Variants in AGAP1 observed in about 807,000 individuals in gnomAD.
AGAP1 encodes arf-GAP with GTPase, ANK repeat and PH domain-containing protein 1.
Under a neutral mutation model 105.3 loss-of-function variants are expected in AGAP1, and 29 were observed. The ratio of observed to expected loss-of-function variants is 0.28; its 90% confidence interval spans 0.21 to 0.38. The LOEUF (loss-of-function observed/expected upper bound fraction) is 0.38. AGAP1 is among the 10% of genes least tolerant of loss of function. AGAP1 has a pLI of 1.00. For missense variants in AGAP1, 998 were observed against 1,165.1 expected (o/e 0.86, Z 2.09); for synonymous variants, 509 against 485.9 (o/e 1.05, Z -0.63).
intron 1 of AGAP1, among the ~76,000 whole-genome samples, chr2:235,671,382 C>T (rs115299749): frequency 1.3e-5 from 2 of 152,202 alleles, no homozygotes; most frequent in Non-Finnish European, 2.9e-5. Flanking sequence ...GGGCCCTGAG[C>T]TGGCTGCCCG....
rs771090235 is a variant in AGAP1, at chr2:236,045,577, C to T, written c.1892-3482C>T. 6.6e-6 allele frequency among the ~76,000 whole-genome samples: 1 copy of T among 152,184 alleles called. No individual in the cohort carries two copies. The highest frequency in any genetic ancestry group is 6.5e-5 in the Admixed American group (1 of 15,278). ...GGTGGCACGCACACAGGTGTGAGGG[C>T]CTGGAGAGCAGGCAGGGCCGCCCTG... On this transcript the variant is annotated intron_variant, in intron 15 of 17. Transcript: ENST00000304032. The surrounding 1 kb of genome is among the most constrained non-coding windows in gnomAD (Gnocchi z 6.9).
chr2:235,766,833 C>T (rs1278255878), intron 6 of AGAP1, among the ~76,000 whole-genome samples: 1 of 151,884 alleles, frequency 6.6e-6, no homozygotes, highest in African/African-American at 2.4e-5. Context: ...CCTCCACTTC[C>T]TGGGTTCAAG....
Position 235,799,650 on chromosome 2 carries a change from T to A in AGAP1, c.957+128T>A. The stretch of plus-strand genomic sequence containing the variant: ...CTATATTAAAGTGAATAACATTGAT[T>A]TCTGTGGAGGACTAAGAAAATTAAG... On this transcript the variant is annotated intron_variant, in intron 8 of 17. Coordinates refer to ENST00000304032, the MANE Select transcript of AGAP1 (RefSeq NM_001037131.3). The surrounding 1 kb of genome is among the most constrained non-coding windows in gnomAD (Gnocchi z 5.0). 2 of 1,098,526 alleles carry A rather than the reference T, an allele frequency of 1.8e-6. No individual in the cohort carries two copies. Among genetic ancestry groups the A allele is most frequent in the Non-Finnish European group, 2.5e-6 (2 of 791,088 alleles). The allele number at this position is 1,098,526 out of a possible 1,614,324, so 68.0% of individuals were successfully genotyped here. A position where few individuals can be genotyped will look rare whatever the true frequency, so the allele number is the denominator to read the frequency against.
chr2:235,685,796 G>C (rs1201186558), intron 1 of AGAP1, among the ~76,000 whole-genome samples: 1 of 152,102 alleles, frequency 6.6e-6, no homozygotes, highest in African/African-American at 2.4e-5. Context: ...GGTTGAGGAT[G>C]TGCGCTCATT....
Position 235,992,864 on chromosome 2 carries a change from C to G in AGAP1, c.1645+24241C>G, listed in dbSNP as rs1013287153. Among the ~76,000 whole-genome samples, 2 of 152,162 alleles carry G rather than the reference C, an allele frequency of 1.3e-5. No individual in the cohort carries two copies. Among genetic ancestry groups the G allele is most frequent in the Non-Finnish European group, 2.9e-5 (2 of 68,026 alleles). ...TTGTTTCATGGCCTTTGCAGTTGAGCTTGTGTTGGCCTCTTTCCGTCGTGA... is the reference window on the plus strand; with the variant it reads ...TTGTTTCATGGCCTTTGCAGTTGAGGTTGTGTTGGCCTCTTTCCGTCGTGA... On this transcript the variant is annotated intron_variant, in intron 13 of 17. Coordinates refer to ENST00000304032, the MANE Select transcript of AGAP1 (RefSeq NM_001037131.3). The surrounding 1 kb of genome is among the most constrained non-coding windows in gnomAD (Gnocchi z 4.8).
intron 9 of AGAP1, among the ~76,000 whole-genome samples, chr2:235,808,722 T>C (rs1957972292): frequency 6.6e-6 from 1 of 152,170 alleles, no homozygotes; most frequent in African/African-American, 2.4e-5. Context: ...CTATGTAAGA[T>C]ACATGATCAT....
chr2:235,939,768 A>G (rs139616881), intron 12 of AGAP1, among the ~76,000 whole-genome samples: 2 of 152,206 alleles, frequency 1.3e-5, no homozygotes, highest in African/African-American at 4.8e-5. Context: ...TTCTCTGAAG[A>G]CACACACAGG....
intron 1 of AGAP1, among the ~76,000 whole-genome samples, chr2:235,602,108 T>C (rs1337247494): frequency 6.6e-6 from 1 of 152,232 alleles, no homozygotes; most frequent in Admixed American, 6.5e-5. Flanking sequence ...GCCACCTGCT[T>C]CTGTATGGCT....
rs1346601858 is a variant in AGAP1, at chr2:235,639,159, G to A, written c.164-70020G>A. The stretch of plus-strand genomic sequence containing the variant: ...GGTGGATGTGGGGCATGGGGAATTG[G>A]ACGGATGATAGTGGCCCACAGGTTG... On this transcript the variant is annotated intron_variant, in intron 1 of 17. Transcript: ENST00000304032. This position sits in a 1 kb window ranked among gnomAD's most constrained non-coding sequence, Gnocchi z 5.3. Among the ~76,000 whole-genome samples the A allele has an allele frequency of 6.6e-6, 1 of 152,162 alleles. No individual in the cohort carries two copies. Among genetic ancestry groups the A allele is most frequent in the Non-Finnish European group, 1.5e-5 (1 of 68,032 alleles).
chr2:235,744,801 A>T lies in AGAP1; in HGVS notation c.500A>T (p.Asn167Ile). Residue 167 changes from asparagine (N) to isoleucine (I), a missense_variant, in exon 5 of 18, where the codon AAC (asparagine) becomes ATC (isoleucine). Physicochemically the swap from Asn to Ile is moderately radical, Grantham distance 149. This residue lies in a region of AGAP1 where 735 missense variants were observed against 833.4 expected (regional missense o/e 0.88). Transcript: ENST00000304032. The surrounding 1 kb of genome is among the most constrained non-coding windows in gnomAD (Gnocchi z 5.2). ...HYYSRMANYR[N>I]TSEIPLVLVG... ...TACAGTCGAATGGCCAACTATCGGAACACGAGCGAGATTCCTCTGGTTCTG... is the reference window on the plus strand; with the variant it reads ...TACAGTCGAATGGCCAACTATCGGATCACGAGCGAGATTCCTCTGGTTCTG... The T allele has an allele frequency of 6.2e-7, 1 of 1,614,060 alleles. No individual in the cohort carries two copies. The highest frequency in any genetic ancestry group is 8.5e-7 in the Non-Finnish European group (1 of 1,180,016).
intron 1 of AGAP1, among the ~76,000 whole-genome samples, chr2:235,544,863 G>T (rs1311925069): frequency 1.3e-5 from 2 of 152,154 alleles, no homozygotes; most frequent in Non-Finnish European, 2.9e-5. Flanking sequence ...GTTGGGTCAC[G>T]TTGCTGTCTT....
chr2:235,494,608 GGGCTCGGCGGCCCGCGGGCCCCGGGGCGC>G lies in AGAP1; in HGVS notation c.-76_-48del, dbSNP rs1028163171. On this transcript the variant is annotated 5_prime_UTR_variant, in exon 1 of 18. Transcript: ENST00000304032. ...GGCTCCCCGGGGGCTGCGGCGCCCC[GGGCTCGGCGGCCCGCGGGCCCCGGGGCGC>G]GGGGCGGCGGCGGCGGGGGGCGCGC... is the stretch of plus-strand genomic sequence containing the variant. 6.7e-6 allele frequency: 5 copies of G among 751,596 alleles called. No homozygotes were observed. Among genetic ancestry groups the G allele is most frequent in the Non-Finnish European group, 6.4e-6 (4 of 623,594 alleles). The allele number at this position is 751,596 out of a possible 1,614,324, so 46.6% of individuals were successfully genotyped here.
chr2:235,795,029 T>C (rs978536854), intron 6 of AGAP1, among the ~76,000 whole-genome samples: 9 of 152,178 alleles, frequency 5.9e-5, no homozygotes, highest in African/African-American at 2.2e-4. Context: ...ATGTTCTAAA[T>C]AGTATGAGTA....
chr2:235,671,055 G>T, intron 1 of AGAP1: 2 of 1,270,376 alleles, frequency 1.6e-6, no homozygotes, highest in South Asian at 2.8e-5. Flanking sequence ...TCCCCGCGCA[G>T]AGGTGGGCAG....
At position 235,549,240 on chromosome 2, in the gene AGAP1, G is replaced by C. The variant is rs1386326344; in HGVS notation, c.163+54391G>C. ...TAAGGAATACAAACTAGAAGGGCCT[G>C]GTTTCTGTAGGTGACAAAGCTGGGG... On this transcript the variant is annotated intron_variant, in intron 1 of 17. Transcript: ENST00000304032. This position sits in a 1 kb window ranked among gnomAD's most constrained non-coding sequence, Gnocchi z 4.2. 1.3e-5 allele frequency among the ~76,000 whole-genome samples: 2 copies of C among 152,220 alleles called. No homozygotes were observed. Among genetic ancestry groups the C allele is most frequent in the Non-Finnish European group, 2.9e-5 (2 of 68,044 alleles).
rs547612945 is a variant in AGAP1 at position 235,800,265 on chromosome 2, A to ATTT, written c.957+757_957+759dup. Among the ~76,000 whole-genome samples, 117 of 142,078 alleles carry ATTT rather than the reference A, an allele frequency of 8.2e-4. 1 individual carries two copies. The East Asian group carries it at 0.02, about 24-fold the overall frequency. 93.2% of individuals were successfully genotyped at this position (142,078 alleles called of 152,430 possible). On this transcript the variant is annotated intron_variant, in intron 8 of 17. Transcript: ENST00000304032. ...AGGCACTCACCACTACGTGTGGCTA[A>ATTT]TTTTTTTTTTTTTTTTAAAGAAATG...
In AGAP1 at chr2:235,701,985, A is replaced by G. The variant is rs1950280861; in HGVS notation, c.164-7194A>G. On this transcript the variant is annotated intron_variant, in intron 1 of 17. Transcript: ENST00000304032. This position sits in a 1 kb window ranked among gnomAD's most constrained non-coding sequence, Gnocchi z 4.1. The stretch of plus-strand genomic sequence containing the variant: ...AAAAATAATAGTTAAAATCCTTGTG[A>G]CGTTTAAGGTTTTCAAAGAAAATTC... Among the ~76,000 whole-genome samples, 1 of 152,102 alleles carries G rather than the reference A, an allele frequency of 6.6e-6. No homozygotes were observed. The highest frequency in any genetic ancestry group is 1.5e-5 in the Non-Finnish European group (1 of 68,024).
chr2:235,882,503 A>T lies in AGAP1; in HGVS notation c.1051-842A>T, dbSNP rs1376992534. The T allele has an allele frequency of 6.8e-7, 1 of 1,469,050 alleles. No individual in the cohort carries two copies. The highest frequency in any genetic ancestry group is 9.4e-7 in the Non-Finnish European group (1 of 1,058,276). 91.0% of individuals were successfully genotyped at this position (1,469,050 alleles called of 1,614,324 possible). ...CTGGTTTGTCTGCCATTTTCTTAAAACAATCGGTACCATCCGTGGCGGGCT... is the reference window on the plus strand; with the variant it reads ...CTGGTTTGTCTGCCATTTTCTTAAATCAATCGGTACCATCCGTGGCGGGCT... On this transcript the variant is annotated intron_variant, in intron 9 of 17. Coordinates refer to ENST00000304032, the MANE Select transcript of AGAP1 (RefSeq NM_001037131.3). This position sits in a 1 kb window ranked among gnomAD's most constrained non-coding sequence, Gnocchi z 4.6.
At chr2:235,909,840 G>C (rs2051490602) in intron 11 of AGAP1, among the ~76,000 whole-genome samples, 1 of 152,092 alleles carries the variant, frequency 6.6e-6, no homozygotes, top group Non-Finnish European at 1.5e-5. Context: ...GGCCAACCTG[G>C]TGAAACCCCG....
Sources: allele counts gnomAD v4.1 joint callset (sites outside exome capture counted in the v4.1 genomes callset), GRCh38; gene constraint gnomAD v4.1.1; regional missense constraint gnomAD v4.1.1; non-coding constraint Gnocchi (gnomAD v3.1); transcripts MANE v1.5; gene names NCBI Gene and HGNC (gene_info 2026-07-23, HGNC 2026-07-21).